The following SNTA1 variants were observed in gnomAD, a reference collection of about 807,000 sequenced individuals.
The protein encoded by SNTA1 is alpha-1-syntrophin.
A neutral mutation model predicts 47.1 loss-of-function variants in SNTA1; 31 were observed. The observed-to-expected ratio is 0.66, with a 90% confidence interval of 0.49 to 0.89. The LOEUF is 0.89. SNTA1 is among the 40% of genes least tolerant of loss of function. The pLI is 0.00. For missense variants in SNTA1, 575 were observed against 693.0 expected, an observed-to-expected ratio of 0.83 and a Z score of 1.91; for synonymous variants, 300 against 313.6, an observed-to-expected ratio of 0.96 and a Z score of 0.46.
At chr20:33,437,349 C>A (rs1284152749) in intron 2 of SNTA1, among the ~76,000 whole-genome samples, 3 of 150,066 alleles carry the variant, frequency 2.0e-5, no homozygotes, top group Non-Finnish European at 3.0e-5. Context: ...ATTGTTTGAG[C>A]CCCGGGGGGT....
At chr20:33,435,032 G>A (rs1387769347) in intron 2 of SNTA1, among the ~76,000 whole-genome samples, 2 of 116,698 alleles carry the variant, frequency 1.7e-5, no homozygotes, top group Non-Finnish European at 3.2e-5. Context: ...TGCTCTTGTC[G>A]CCCAGGCTGG....
Position 33,431,550 on chromosome 20 carries a change from C to G in SNTA1, c.496+7291G>C, listed in dbSNP as rs1272163213. On this transcript the variant is annotated intron_variant, in intron 2 of 7. Coordinates refer to ENST00000217381, the MANE Select transcript of SNTA1 (RefSeq NM_003098.3). ...ATCACCTGAGGTCAGGAGTTCGAGA[C>G]CAGCCTGGCCAACATGGTGAAACCC... Among the ~76,000 whole-genome samples the G allele has an allele frequency of 2.0e-5, 3 of 151,986 alleles. No individual in the cohort carries two copies. In the East Asian group the frequency reaches 5.8e-4, roughly 30 times the overall value.
intron 2 of SNTA1, among the ~76,000 whole-genome samples, chr20:33,421,171 CAAA>C (rs779903198): frequency 3.1e-5 from 4 of 127,524 alleles, no homozygotes; most frequent in Non-Finnish European, 3.4e-5. Context: ...TACCCTGTCT[CAAA>C]AAAAAAAAAA....
rs556062034 is a variant in SNTA1, at chr20:33,416,624, G to A, written c.701+1095C>T. 3.3e-5 allele frequency among the ~76,000 whole-genome samples: 5 copies of A among 152,228 alleles called. No homozygotes were observed. The South Asian group carries it at 8.3e-4, about 25-fold the overall frequency. On this transcript the variant is annotated intron_variant, in intron 3 of 7. Transcript: ENST00000217381. ...GTGCGAAACCAGCGTGGCCAACATG[G>A]TGGAACCCCATCTCTACAAAAAATA...
chr20:33,439,036 T>C lies in SNTA1; in HGVS notation c.311-10A>G. On this transcript the variant is annotated splice_polypyrimidine_tract_variant and intron_variant, in intron 1 of 7. Coordinates refer to ENST00000217381, the MANE Select transcript of SNTA1 (RefSeq NM_003098.3). ...TTGTTCTCCCGGCCGCCTGCACAGG[T>C]ACAGAAGGAGGACAAGACTTAGGCA... The C allele has an allele frequency of 1.2e-6, 2 of 1,613,348 alleles. No homozygotes were observed. Among genetic ancestry groups the C allele is most frequent in the Non-Finnish European group, 1.7e-6 (2 of 1,179,394 alleles).
chr20:33,432,409 C>T (rs1387450875), intron 2 of SNTA1, among the ~76,000 whole-genome samples: 1 of 152,168 alleles, frequency 6.6e-6, no homozygotes. Flanking sequence ...GGAAAGTCAA[C>T]AGCAATTGAA....
At chr20:33,438,624 A>G (rs1990500505) in intron 2 of SNTA1, among the ~76,000 whole-genome samples, 1 of 152,214 alleles carries the variant, frequency 6.6e-6, no homozygotes, top group Non-Finnish European at 1.5e-5. Context: ...ACTGGAAGAC[A>G]GAAAATGCAA....
intron 2 of SNTA1, among the ~76,000 whole-genome samples, chr20:33,418,300 G>C (rs1242616454): frequency 3.5e-5 from 5 of 144,110 alleles, no homozygotes; most frequent in Non-Finnish European, 7.5e-5. Context: ...CTGTCACCCA[G>C]ACTAGAGTGC....
chr20:33,413,404 C>A (rs1989794989), intron 3 of SNTA1, among the ~76,000 whole-genome samples: 1 of 151,616 alleles, frequency 6.6e-6, no homozygotes, highest in Admixed American at 6.6e-5. Context: ...GCTGGGATTA[C>A]AGGCATGAGC....
At chr20:33,413,626 GA>G (rs1331758278) in intron 3 of SNTA1, among the ~76,000 whole-genome samples, 147 of 122,288 alleles carry the variant, frequency 1.2e-3, no homozygotes, top group Middle Eastern at 8.6e-3. Context: ...AAGAGCAGGG[GA>G]AAAAAAAAAA....
chr20:33,441,140 A>G (rs1990567075), intron 1 of SNTA1, among the ~76,000 whole-genome samples: 2 of 152,356 alleles, frequency 1.3e-5, no homozygotes, highest in South Asian at 4.1e-4. Flanking sequence ...ACTGTGCTAA[A>G]TGCTTTCAAT....
Position 33,408,591 on chromosome 20 carries a change from G to C in SNTA1, c.1434C>G (p.Asp478Glu). 4 of 1,613,892 alleles carry C rather than the reference G, an allele frequency of 2.5e-6. No individual in the cohort carries two copies. The highest frequency in any genetic ancestry group is 3.4e-6 in the Non-Finnish European group (4 of 1,179,786). Residue 478 changes from aspartate to glutamate, a missense_variant, in exon 8 of 8, where the codon GAC becomes GAG. Asp to Glu is a conservative substitution (Grantham distance 45, BLOSUM62 2). Transcript: ENST00000217381. ...CTATGGTTTTGGGACACGAGTGCAGGTCCAGCTGCTGGAGGGTGGATGGAG... is the reference window on the plus strand; with the variant it reads ...CTATGGTTTTGGGACACGAGTGCAGCTCCAGCTGCTGGAGGGTGGATGGAG... The part of the protein sequence containing the change: ...FGGAEGEIQL[D>E]LHSCPKTIVF...
At chr20:33,430,666 C>T (rs192161511) in intron 2 of SNTA1, among the ~76,000 whole-genome samples, 3 of 151,780 alleles carry the variant, frequency 2.0e-5, no homozygotes, top group Admixed American at 6.6e-5. Flanking sequence ...AATGAGTTTT[C>T]GCCGGGCGCA....
chr20:33,413,381 C>T (rs187080278), intron 3 of SNTA1, among the ~76,000 whole-genome samples: 8 of 151,762 alleles, frequency 5.3e-5, no homozygotes, highest in African/African-American at 1.9e-4. Context: ...ACCCCGCCTT[C>T]GCCCTCCAAA....
At chr20:33,438,811 C>A (rs1568762176) in intron 2 of SNTA1, 30 bp downstream of exon 2, 2 of 1,591,928 alleles carry the variant, frequency 1.3e-6, no homozygotes, top group East Asian at 2.2e-5. Context: ...TCCACCCAGC[C>A]CCTCTGAACC....
Position 33,437,356 on chromosome 20 carries a change from G to A in SNTA1, c.496+1485C>T, listed in dbSNP as rs555040309. Among the ~76,000 whole-genome samples the A allele has an allele frequency of 7.5e-4, 113 of 150,940 alleles. 1 individual carries two copies. Among genetic ancestry groups the A allele is most frequent in the South Asian group, 3.4e-3 (16 of 4,768 alleles). On this transcript the variant is annotated intron_variant, in intron 2 of 7. Transcript: ENST00000217381. Reference sequence around the variant, plus strand: ...GTGGGAGGATTGTTTGAGCCCCGGGGGGTGGAGGGTGCATTGAGCCAAGAT... The same window carrying A: ...GTGGGAGGATTGTTTGAGCCCCGGGAGGTGGAGGGTGCATTGAGCCAAGAT...
chr20:33,417,510 G>T (rs1989904293), intron 3 of SNTA1, among the ~76,000 whole-genome samples: 1 of 152,222 alleles, frequency 6.6e-6, no homozygotes, highest in Non-Finnish European at 1.5e-5. Flanking sequence ...ATCCCCAGAT[G>T]TGAGCTGCCC....
At chr20:33,423,629 C>T (rs1156863969) in intron 2 of SNTA1, among the ~76,000 whole-genome samples, 2 of 152,106 alleles carry the variant, frequency 1.3e-5, no homozygotes, top group African/African-American at 4.8e-5. Flanking sequence ...GCTCTGGCCC[C>T]AAAGAGCCAG....
chr20:33,410,276 AAGAG>A lies in SNTA1; in HGVS notation c.1092_1095del (p.Ser365LeufsTer121). ...TGACGCGTGCCCGTGCGCAGGGCAA[AAGAG>A]AGCTCTGCATCGTAGGGCACTGAGC... On this transcript the variant is annotated frameshift_variant, in exon 6 of 8. Coordinates refer to ENST00000217381, the MANE Select transcript of SNTA1 (RefSeq NM_003098.3). LOFTEE classifies it high-confidence loss of function. 4 of 1,612,336 alleles carry A rather than the reference AAGAG, an allele frequency of 2.5e-6. No individual in the cohort carries two copies. The highest frequency in any genetic ancestry group is 3.4e-6 in the Non-Finnish European group (4 of 1,179,712).
Sources: gnomAD v4.1 joint callset for allele counts (sites outside exome capture counted in the v4.1 genomes callset) on GRCh38, gnomAD v4.1.1 for gene constraint, MANE v1.5 for transcripts, NCBI Gene and HGNC (gene_info 2026-07-23, HGNC 2026-07-21) for gene names.